The following CADM2 variants were observed in gnomAD, a reference collection of about 807,000 sequenced individuals.
The protein encoded by CADM2 is cell adhesion molecule 2.
CADM2 carries 12 observed loss-of-function variants against 49.8 expected under a neutral mutation model. That is an observed-to-expected ratio of 0.24 (90% confidence interval 0.15 to 0.39). CADM2 has a LOEUF of 0.39. Among genes scored for constraint, CADM2 ranks in the 10% least tolerant of loss-of-function variants. The pLI is 1.00. For missense variants in CADM2, 378 were observed against 492.3 expected (o/e 0.77, Z 2.20); for synonymous variants, 214 against 175.4 (o/e 1.22, Z -1.74).
intron 1 of CADM2, among the ~76,000 whole-genome samples, chr3:85,109,029 G>C (rs970592452): frequency 2.4e-4 from 36 of 151,814 alleles, no homozygotes; most frequent in Admixed American, 1.6e-3. Flanking sequence ...TATTTTGTGT[G>C]GTTTTTAACA....
intron 1 of CADM2, among the ~76,000 whole-genome samples, chr3:85,557,075 AGTATATTT>A: frequency 6.6e-6 from 1 of 152,090 alleles, no homozygotes; most frequent in Non-Finnish European, 1.5e-5. Flanking sequence ...TGGATTAGCA[AGTATATTT>A]CTTACCCTTT....
At chr3:85,116,688 C>A (rs1019742942) in intron 1 of CADM2, among the ~76,000 whole-genome samples, 28 of 151,890 alleles carry the variant, frequency 1.8e-4, no homozygotes, top group African/African-American at 6.5e-4. Flanking sequence ...ATAGGCAACC[C>A]TACTTATCAG....
intron 8 of CADM2, among the ~76,000 whole-genome samples, chr3:86,042,041 A>T (rs1736010592): frequency 6.6e-6 from 1 of 152,214 alleles, no homozygotes; most frequent in South Asian, 2.1e-4. Flanking sequence ...GAGAACAAAG[A>T]CACAACATAC....
intron 1 of CADM2, among the ~76,000 whole-genome samples, chr3:85,032,604 C>T (rs2035034692): frequency 6.6e-6 from 1 of 152,082 alleles, no homozygotes; most frequent in South Asian, 2.1e-4. Context: ...GTATGCATTG[C>T]AATGAAATAT....
At chr3:85,217,180 C>T (rs751558477) in intron 1 of CADM2, among the ~76,000 whole-genome samples, 1 of 151,626 alleles carries the variant, frequency 6.6e-6, no homozygotes, top group Admixed American at 6.6e-5. Flanking sequence ...ATGGAAATAT[C>T]TTTATTTTAG....
intron 1 of CADM2, among the ~76,000 whole-genome samples, chr3:85,116,226 C>A (rs2038632354): frequency 6.6e-6 from 1 of 152,194 alleles, no homozygotes; most frequent in Admixed American, 6.5e-5. Context: ...ACTGGGGAGG[C>A]TGAGGCAGGA....
At chr3:85,166,370 A>T (rs1484269126) in intron 1 of CADM2, among the ~76,000 whole-genome samples, 1 of 151,906 alleles carries the variant, frequency 6.6e-6, no homozygotes, top group Non-Finnish European at 1.5e-5. Flanking sequence ...TGATTATTTT[A>T]TAATGAGATT....
At chr3:84,977,349 A>G (rs1439613194) in intron 1 of CADM2, among the ~76,000 whole-genome samples, 1 of 151,996 alleles carries the variant, frequency 6.6e-6, no homozygotes, top group Non-Finnish European at 1.5e-5. Flanking sequence ...TTGGAAGAGC[A>G]CTGATAATGA....
intron 1 of CADM2, among the ~76,000 whole-genome samples, chr3:85,317,979 G>T (rs1404046737): frequency 6.6e-6 from 1 of 152,012 alleles, no homozygotes; most frequent in East Asian, 1.9e-4. Flanking sequence ...TTTAAACTAT[G>T]GGTTAAGTGG....
intron 1 of CADM2, among the ~76,000 whole-genome samples, chr3:85,236,150 A>T (rs561821966): frequency 3.3e-5 from 5 of 152,214 alleles, no homozygotes; most frequent in African/African-American, 9.6e-5. Flanking sequence ...CCAGCAAAAC[A>T]TCCATCCGTG....
chr3:85,140,689 A>T (rs1012754430), intron 1 of CADM2, among the ~76,000 whole-genome samples: 11 of 152,172 alleles, frequency 7.2e-5, no homozygotes, highest in Admixed American at 2.0e-4. Context: ...GCTGAAATTC[A>T]CACATCCCGT....
chr3:85,089,610 G>A (rs776362011), intron 1 of CADM2, among the ~76,000 whole-genome samples: 1 of 152,074 alleles, frequency 6.6e-6, no homozygotes, highest in South Asian at 2.1e-4. Context: ...TCAATTATTA[G>A]AAAATAATAT....
At chr3:85,886,015 C>A (rs1335714008) in intron 4 of CADM2, among the ~76,000 whole-genome samples, 175 bp from the exon 5 acceptor site, 3 of 151,554 alleles carry the variant, frequency 2.0e-5, no homozygotes, top group Non-Finnish European at 4.4e-5. Context: ...ACATATACAC[C>A]TAAGTATGTA....
chr3:84,974,374 A>G (rs1481007712), intron 1 of CADM2, among the ~76,000 whole-genome samples: 2 of 152,050 alleles, frequency 1.3e-5, no homozygotes, highest in Non-Finnish European at 2.9e-5. Flanking sequence ...CATTAACTTT[A>G]ATTTTACTTT....
At chr3:85,380,965 A>C (rs1486282746) in intron 1 of CADM2, among the ~76,000 whole-genome samples, 1 of 152,068 alleles carries the variant, frequency 6.6e-6, no homozygotes, top group Non-Finnish European at 1.5e-5. Flanking sequence ...AGAAGGGAAG[A>C]ATATGAGCTT....
intron 1 of CADM2, among the ~76,000 whole-genome samples, chr3:85,438,939 C>T (rs1053399187): frequency 5.9e-5 from 9 of 151,982 alleles, no homozygotes; most frequent in African/African-American, 7.2e-5. Flanking sequence ...TATCTTGCCT[C>T]GGCCTCCCAA....
At chr3:85,198,697 G>A (rs921579912) in intron 1 of CADM2, among the ~76,000 whole-genome samples, 1 of 151,738 alleles carries the variant, frequency 6.6e-6, no homozygotes, top group Non-Finnish European at 1.5e-5. Flanking sequence ...CATATATTTA[G>A]CTAACAATAT....
intron 2 of CADM2, among the ~76,000 whole-genome samples, chr3:85,757,875 T>C (rs2069194968): frequency 6.6e-6 from 1 of 152,104 alleles, no homozygotes; most frequent in Admixed American, 6.6e-5. Flanking sequence ...TTCCTCTGAG[T>C]TTTAGTAGAG....
chr3:85,480,463 T>C (rs200903857), intron 1 of CADM2, among the ~76,000 whole-genome samples: 1 of 151,970 alleles, frequency 6.6e-6, no homozygotes, highest in South Asian at 2.1e-4. Flanking sequence ...TGCCTCATAT[T>C]TGCGTGACTC....
Sources: allele counts gnomAD v4.1 joint callset (sites outside exome capture counted in the v4.1 genomes callset), GRCh38; gene constraint gnomAD v4.1.1; transcripts MANE v1.5; gene names NCBI Gene and HGNC (gene_info 2026-07-23, HGNC 2026-07-21).